The following LMX1A variants were observed in gnomAD, a reference collection of about 807,000 sequenced individuals.
LMX1A encodes LIM homeobox transcription factor 1-alpha.
In LMX1A, 15 loss-of-function variants were observed where a neutral mutation model predicts 49.1. That is an observed-to-expected ratio of 0.31 (90% CI 0.20 to 0.47). LMX1A has a LOEUF of 0.47. Ranked by LOEUF, LMX1A falls within the 20% of genes least tolerant of loss-of-function variation. LMX1A has a pLI of 1.00. For synonymous variants in LMX1A, 167 were observed against 185.7 expected (o/e 0.90, Z 0.82); for missense variants, 372 against 475.8 (o/e 0.78, Z 2.03).
chr1:165,328,513 T>C (rs1207236602), intron 3 of LMX1A, among the ~76,000 whole-genome samples: 3 of 152,314 alleles, frequency 2.0e-5, no homozygotes, highest in Middle Eastern at 3.4e-3. Context: ...GACTGAACTA[T>C]GTGGTCCACC....
At position 165,233,406 on chromosome 1, in the gene LMX1A, G is replaced by T. The variant is rs1652307129; in HGVS notation, c.496+16002C>A. ...AGAGGTTGAGACTGCAGAGAGAAGT[G>T]ATTGTGCCACTGCACTCTAGCCTGG... On this transcript the variant is annotated intron_variant, in intron 4 of 8. Transcript: ENST00000342310. Among the ~76,000 whole-genome samples the T allele has an allele frequency of 2.0e-5, 3 of 152,192 alleles. No homozygotes were observed. The South Asian group carries it at 6.2e-4, about 31-fold the overall frequency.
At chr1:165,236,265 C>T (rs747785633) in intron 4 of LMX1A, among the ~76,000 whole-genome samples, 141 of 152,272 alleles carry the variant, frequency 9.3e-4, no homozygotes, top group Non-Finnish European at 1.5e-3. Context: ...TAGGGCCAAG[C>T]CCGCGCACAT....
chr1:165,225,849 T>C (rs1373068370), intron 4 of LMX1A, among the ~76,000 whole-genome samples: 1 of 147,480 alleles, frequency 6.8e-6, no homozygotes, highest in African/African-American at 2.5e-5. Context: ...ACCCCTACAC[T>C]CCCACCCCTG....
intron 3 of LMX1A, among the ~76,000 whole-genome samples, chr1:165,289,058 A>G (rs568088128): frequency 2.2e-4 from 34 of 152,306 alleles, no homozygotes; most frequent in Middle Eastern, 3.4e-3. Context: ...CAAAACACCC[A>G]CACCAGAGAC....
At chr1:165,219,689 G>A (rs909801364) in intron 4 of LMX1A, among the ~76,000 whole-genome samples, 1 of 152,188 alleles carries the variant, frequency 6.6e-6, no homozygotes, top group Non-Finnish European at 1.5e-5. Flanking sequence ...AGTTCTTCAA[G>A]GGAGTTTCTA....
intron 4 of LMX1A, among the ~76,000 whole-genome samples, chr1:165,248,084 T>C (rs1044585813): frequency 6.6e-6 from 1 of 152,154 alleles, no homozygotes; most frequent in African/African-American, 2.4e-5. Flanking sequence ...AACATGTAAC[T>C]ACAATGAAGT....
intron 3 of LMX1A, among the ~76,000 whole-genome samples, chr1:165,304,837 C>A (rs1654877939): frequency 6.6e-6 from 1 of 152,186 alleles, no homozygotes; most frequent in African/African-American, 2.4e-5. Flanking sequence ...ATTGTCCCAT[C>A]AGCCTGGAAA....
At chr1:165,244,892 A>C (rs1339942486) in intron 4 of LMX1A, among the ~76,000 whole-genome samples, 1 of 151,912 alleles carries the variant, frequency 6.6e-6, no homozygotes, top group Non-Finnish European at 1.5e-5. Context: ...TCTGGCTACA[A>C]ATTCCATTCA....
intron 3 of LMX1A, among the ~76,000 whole-genome samples, chr1:165,327,443 C>T (rs1655622498): frequency 6.6e-6 from 1 of 152,234 alleles, no homozygotes; most frequent in South Asian, 2.1e-4. Flanking sequence ...GAAAGAGCTA[C>T]TGAAGATGGC....
At chr1:165,298,226 T>C (rs534889886) in intron 3 of LMX1A, among the ~76,000 whole-genome samples, 22 of 152,314 alleles carry the variant, frequency 1.4e-4, no homozygotes, top group African/African-American at 5.3e-4. Flanking sequence ...AGACTGGTTT[T>C]TATGCAGCTA....
At position 165,258,207 on chromosome 1, in the gene LMX1A, C is replaced by A. The variant is rs139724005; in HGVS notation, c.264-8567G>T. Among the ~76,000 whole-genome samples the A allele has an allele frequency of 2.0e-4, 30 of 152,358 alleles. No homozygotes were observed. The East Asian group carries it at 5.8e-3, about 29-fold the overall frequency. ...GACAGGGATTGGCCATAAGCCAAAACTGTCTGCCGGAAAATCTGCTGCTGG... is the reference window on the plus strand; with the variant it reads ...GACAGGGATTGGCCATAAGCCAAAAATGTCTGCCGGAAAATCTGCTGCTGG... On this transcript the variant is annotated intron_variant, in intron 3 of 8. Coordinates refer to ENST00000342310, the MANE Select transcript of LMX1A (RefSeq NM_177398.4).
chr1:165,265,732 T>G (rs1325582553), intron 3 of LMX1A, among the ~76,000 whole-genome samples: 2 of 152,096 alleles, frequency 1.3e-5, no homozygotes, highest in Non-Finnish European at 2.9e-5. Context: ...CAAGAACAGG[T>G]CAGTACCTTA....
chr1:165,288,067 C>G (rs990910081), intron 3 of LMX1A, among the ~76,000 whole-genome samples: 1 of 152,232 alleles, frequency 6.6e-6, no homozygotes, highest in African/African-American at 2.4e-5. Context: ...ACCTCCAGGT[C>G]ACTAGGCTGA....
At chr1:165,315,807 C>T (rs1397645401) in intron 3 of LMX1A, among the ~76,000 whole-genome samples, 1 of 152,238 alleles carries the variant, frequency 6.6e-6, no homozygotes, top group Non-Finnish European at 1.5e-5. Flanking sequence ...TCTCCTAGAA[C>T]CTTGACTTCA....
rs772485885 is a variant in LMX1A, at chr1:165,203,338, C to T, written c.*542G>A. 4 of 152,698 alleles carry T rather than the reference C, an allele frequency of 2.6e-5. No homozygotes were observed. The highest frequency in any genetic ancestry group is 5.9e-5 in the Non-Finnish European group (4 of 68,082). 9.5% of individuals were successfully genotyped at this position (152,698 alleles called of 1,614,324 possible). A position where few individuals can be genotyped will look rare whatever the true frequency, so the allele number is the denominator to read the frequency against. On this transcript the variant is annotated 3_prime_UTR_variant, in exon 9 of 9. Transcript: ENST00000342310. ...TAAAGTTTATAAAAGTAAATTATCT[C>T]ATTTTATAACTTAAGTGCATCAAGC...
intron 3 of LMX1A, among the ~76,000 whole-genome samples, chr1:165,350,475 C>G (rs1656392861): frequency 6.6e-6 from 1 of 152,116 alleles, no homozygotes; most frequent in Non-Finnish European, 1.5e-5. Flanking sequence ...CTCATCTAGC[C>G]TAGCGTCTTG....
intron 4 of LMX1A, chr1:165,218,470 C>T (rs1213390778): frequency 6.6e-6 from 1 of 152,386 alleles, no homozygotes; most frequent in Non-Finnish European, 1.5e-5. Flanking sequence ...CCTGGCTAAC[C>T]ATCACCCAGC....
At chr1:165,260,685 G>A (rs566468693) in intron 3 of LMX1A, among the ~76,000 whole-genome samples, 41 of 152,178 alleles carry the variant, frequency 2.7e-4, no homozygotes, top group African/African-American at 9.9e-4. Flanking sequence ...TCAAAACACT[G>A]ACAGCTATGA....
intron 3 of LMX1A, among the ~76,000 whole-genome samples, chr1:165,253,704 G>A (rs1212095210): frequency 4.6e-5 from 7 of 152,136 alleles, no homozygotes; most frequent in Non-Finnish European, 7.4e-5. Flanking sequence ...AACCTATCTC[G>A]ATATGCTTCT....
Sources: gnomAD v4.1 joint callset for allele counts (sites outside exome capture counted in the v4.1 genomes callset) on GRCh38, gnomAD v4.1.1 for gene constraint, MANE v1.5 for transcripts, NCBI Gene and HGNC (gene_info 2026-07-23, HGNC 2026-07-21) for gene names.